Variants in TET1 observed in about 807,000 individuals in gnomAD.
The protein encoded by TET1 is tet methylcytosine dioxygenase 1.
TET1 carries 13 observed loss-of-function variants against 148.7 expected under a neutral mutation model. The observed-to-expected ratio is 0.09, with a 90% confidence interval of 0.06 to 0.14. The LOEUF is 0.14. Ranked by LOEUF, TET1 falls within the 10% of genes least tolerant of loss-of-function variation. TET1 has a pLI of 1.00. For synonymous variants in TET1, 907 were observed against 937.2 expected, an observed-to-expected ratio of 0.97 and a Z score of 0.59; for missense variants, 2,182 against 2,553.8, an observed-to-expected ratio of 0.85 and a Z score of 3.14.
At chr10:68,682,350 G>C (rs1157278316) in intron 9 of TET1, among the ~76,000 whole-genome samples, 2 of 151,900 alleles carry the variant, frequency 1.3e-5, no homozygotes, top group African/African-American at 2.4e-5. Flanking sequence ...GGCCACAAGT[G>C]ATCTGCCCGC....
chr10:68,651,428 G>A (rs2054933394), intron 4 of TET1, among the ~76,000 whole-genome samples: 1 of 152,064 alleles, frequency 6.6e-6, no homozygotes, highest in Admixed American at 6.6e-5. Flanking sequence ...TCCAGCCTGG[G>A]CGACAGAGCA....
intron 6 of TET1, among the ~76,000 whole-genome samples, chr10:68,654,118 A>AAC (rs999018040): frequency 1.3e-5 from 2 of 151,226 alleles, no homozygotes; most frequent in African/African-American, 4.9e-5. Flanking sequence ...AAAAAAAAAA[A>AAC]AAAAAAAGCA....
intron 6 of TET1, among the ~76,000 whole-genome samples, chr10:68,661,611 G>C (rs2055116241): frequency 1.3e-5 from 2 of 151,354 alleles, no homozygotes; most frequent in African/African-American, 4.9e-5. Flanking sequence ...AGCCTCCCAA[G>C]GAGCTGAAAC....
At chr10:68,597,029 G>GTTTTTTTTTTT (rs1446597252) in intron 2 of TET1, among the ~76,000 whole-genome samples, 1 of 90,318 alleles carries the variant, frequency 1.1e-5, no homozygotes, top group African/African-American at 4.6e-5. Context: ...ACAGCTAATG[G>GTTTTTTTTTTT]ATTTTTTTTT....
At chr10:68,578,781 A>G (rs10998298) in intron 2 of TET1, among the ~76,000 whole-genome samples, 50,656 of 151,754 alleles carry the variant, frequency 0.33, 8,844 homozygotes, top group Middle Eastern at 0.44. Context: ...AGTGTTGCTA[A>G]TTGCCAATTT....
intron 7 of TET1, among the ~76,000 whole-genome samples, chr10:68,672,066 A>G (rs1283943030): frequency 1.9e-4 from 29 of 152,264 alleles, no homozygotes; most frequent in Non-Finnish European, 5.9e-5. Context: ...TATAAAATAT[A>G]TATTGTTTTT....
intron 2 of TET1, among the ~76,000 whole-genome samples, chr10:68,594,966 T>G (rs1373676783): frequency 1.5e-5 from 2 of 131,548 alleles, no homozygotes. Context: ...GCAACAGTGC[T>G]CAAGACACCA....
At chr10:68,618,833 T>C (rs1018390432) in intron 3 of TET1, among the ~76,000 whole-genome samples, 6 of 152,168 alleles carry the variant, frequency 3.9e-5, no homozygotes, top group African/African-American at 1.2e-4. Context: ...CCTGGCCTGG[T>C]AGCAAATGGT....
Position 68,573,722 on chromosome 10 carries a change from G to C in TET1, c.1384G>C (p.Val462Leu). 6.2e-7 allele frequency: 1 copy of C among 1,614,052 alleles called. No individual in the cohort carries two copies. Among genetic ancestry groups the C allele is most frequent in the Non-Finnish European group, 8.5e-7 (1 of 1,180,048 alleles). The change falls in exon 2 of 12, where the codon GTC (valine) becomes CTC (leucine). Residue 462 changes from valine to leucine, a missense_variant. By Grantham distance (32) the Val-to-Leu change is conservative. Coordinates refer to ENST00000373644, the MANE Select transcript of TET1 (RefSeq NM_030625.3). ...PQSTVSYGLA[V>L]QGAIQILPLG... ...AAGCACTGTCTCATATGGACTTGCA[G>C]TCCAGGGTGCTATACAGATTTTGCC... is the stretch of plus-strand genomic sequence containing the variant.
Position 68,682,858 on chromosome 10 carries a change from G to A in TET1, c.4937G>A (p.Arg1646Gln), listed in dbSNP as rs376318364. ...QNQVEYENVA[R>Q]ECRLGSKEGR... ...TAGGTGGAATATGAAAATGTTGCCC[G>A]AGAATGTCGGCTTGGCAGCAAGGAA... The change falls in exon 10 of 12, where the codon CGA becomes CAA. Residue 1646 changes from arginine to glutamine, a missense_variant. Transcript: ENST00000373644. 12 of 1,613,164 alleles carry A rather than the reference G, an allele frequency of 7.4e-6. No homozygotes were observed. The highest frequency in any genetic ancestry group is 2.7e-5 in the African/African-American group (2 of 74,838).
At position 68,691,681 on chromosome 10, in the gene TET1, A is replaced by G. The variant is rs1354323135; in HGVS notation, c.6278A>G (p.Glu2093Gly). The G allele has an allele frequency of 6.2e-7, 1 of 1,614,224 alleles. No homozygotes were observed. The highest frequency in any genetic ancestry group is 1.7e-5 in the Admixed American group (1 of 60,016). Residue 2093 changes from glutamate (E) to glycine (G), a missense_variant, in exon 12 of 12, where the codon GAA becomes GGA. Physicochemically the swap from Glu to Gly is moderately conservative, Grantham distance 98. Around this residue, in one of 11 missense-constraint regions of TET1, gnomAD observed 54 missense variants for 44.4 expected, o/e 1.22. Coordinates refer to ENST00000373644, the MANE Select transcript of TET1 (RefSeq NM_030625.3). This position sits in a 1 kb window ranked among gnomAD's most constrained non-coding sequence, Gnocchi z 4.4. Reference sequence around the variant, plus strand: ...GACCAGGCAGCTAATGAAGGTCCAGAACAGTCCTCTGAAGTAAATGAATTG... The same window carrying G: ...GACCAGGCAGCTAATGAAGGTCCAGGACAGTCCTCTGAAGTAAATGAATTG... ...QKDQAANEGP[E>G]QSSEVNELNQ...
chr10:68,560,919 C>A (rs570288672), intron 1 of TET1, among the ~76,000 whole-genome samples, 177 bp downstream of exon 1: 2 of 152,124 alleles, frequency 1.3e-5, no homozygotes, highest in Non-Finnish European at 2.9e-5. Context: ...CCCCCCACCC[C>A]GGGACGCTCG....
At chr10:68,652,784 G>C (rs999391763) in intron 6 of TET1, among the ~76,000 whole-genome samples, 190 bp downstream of exon 6, 10 of 151,120 alleles carry the variant, frequency 6.6e-5, no homozygotes, top group Non-Finnish European at 1.5e-4. Flanking sequence ...GATCTCCCAG[G>C]CTCAAGCAAT....
intron 3 of TET1, among the ~76,000 whole-genome samples, chr10:68,607,458 G>A (rs1181678804): frequency 6.6e-6 from 1 of 150,986 alleles, no homozygotes; most frequent in African/African-American, 2.4e-5. Context: ...TCTTGAGACA[G>A]GTCTCACTCT....
intron 2 of TET1, among the ~76,000 whole-genome samples, chr10:68,577,447 G>A (rs535719769): frequency 1.3e-5 from 2 of 152,244 alleles, no homozygotes; most frequent in East Asian, 3.9e-4. Flanking sequence ...TTGAGGCCAG[G>A]AGTTTGAGAC....
intron 2 of TET1, among the ~76,000 whole-genome samples, chr10:68,583,923 C>T (rs1040327530): frequency 6.6e-6 from 1 of 151,924 alleles, no homozygotes; most frequent in African/African-American, 2.4e-5. Flanking sequence ...AAAAGACATG[C>T]TTATATTAAC....
At chr10:68,636,620 G>A (rs1439626279) in intron 3 of TET1, among the ~76,000 whole-genome samples, 1 of 152,154 alleles carries the variant, frequency 6.6e-6, no homozygotes, top group African/African-American at 2.4e-5. Context: ...ACTGTAGTGA[G>A]CTGTGATCCT....
intron 6 of TET1, among the ~76,000 whole-genome samples, chr10:68,654,412 T>G (rs1261523558): frequency 6.6e-6 from 1 of 151,818 alleles, no homozygotes; most frequent in Non-Finnish European, 1.5e-5. Context: ...GGTCAGGAGA[T>G]CGAGCCTATC....
In TET1 at chr10:68,565,380, C is replaced by A. The variant is rs923207514; in HGVS notation, c.-123+4638C>A. The stretch of plus-strand genomic sequence containing the variant: ...CCTGTAGTGCCAGCTACTTGGGAAG[C>A]TGAGGTGGGAGGATCACTTAAGCCC... On this transcript the variant is annotated intron_variant, in intron 1 of 11. Transcript: ENST00000373644. 1.1e-4 allele frequency among the ~76,000 whole-genome samples: 16 copies of A among 150,034 alleles called. 1 individual carries two copies. Among genetic ancestry groups the A allele is most frequent in the Admixed American group, 1.3e-4 (2 of 14,888 alleles).
Sources: allele counts gnomAD v4.1 joint callset (sites outside exome capture counted in the v4.1 genomes callset), GRCh38; gene constraint gnomAD v4.1.1; regional missense constraint gnomAD v4.1.1; non-coding constraint Gnocchi (gnomAD v3.1); transcripts MANE v1.5; gene names NCBI Gene and HGNC (gene_info 2026-07-23, HGNC 2026-07-21).